KIAA1217: variants seen among roughly 807,000 people sequenced by gnomAD.
KIAA1217 encodes the protein sickle tail protein homolog.
KIAA1217 carries 88 observed loss-of-function variants against 163.9 expected under a neutral mutation model. That is an observed-to-expected ratio of 0.54 (90% CI 0.45 to 0.64). KIAA1217 has a LOEUF of 0.64. KIAA1217 is among the 30% of genes least tolerant of loss of function. KIAA1217 has a pLI of 0.00. For missense variants in KIAA1217, 2,372 were observed against 2,475.0 expected (o/e 0.96, Z 0.88); for synonymous variants, 903 against 923.1 (o/e 0.98, Z 0.39).
rs535039587 is a variant in KIAA1217, at chr10:23,804,319, G to A, written c.-321+109085G>A. Among the ~76,000 whole-genome samples the A allele has an allele frequency of 3.9e-5, 6 of 152,324 alleles. No homozygotes were observed. The South Asian group carries it at 6.2e-4, about 16-fold the overall frequency. On this transcript the variant is annotated intron_variant, in intron 1 of 18. Transcript: ENST00000376462. ...AAGCTGCCAAGCCGTGAGTACATCT[G>A]TCTTTCTGAGCCCTTTGTCACTTAG...
chr10:23,830,480 G>A (rs1329919780), intron 1 of KIAA1217, among the ~76,000 whole-genome samples: 1 of 152,028 alleles, frequency 6.6e-6, no homozygotes, highest in African/African-American at 2.4e-5. Flanking sequence ...AACAGTCTAG[G>A]GTTTTGCTTT....
intron 1 of KIAA1217, among the ~76,000 whole-genome samples, chr10:24,004,129 A>ATGAG (rs1452046427): frequency 2.6e-5 from 4 of 151,856 alleles, no homozygotes; most frequent in Non-Finnish European, 5.9e-5. Context: ...ACAGGCACAC[A>ATGAG]CCACCACGCC....
At chr10:23,730,650 G>A (rs34807032) in intron 1 of KIAA1217, among the ~76,000 whole-genome samples, 48,436 of 151,696 alleles carry the variant, frequency 0.32, 9,687 homozygotes, top group African/African-American at 0.57. Context: ...CCATTTTGTA[G>A]TGTCTTTATT....
chr10:23,981,529 G>T (rs1845765026), intron 1 of KIAA1217, among the ~76,000 whole-genome samples: 1 of 152,078 alleles, frequency 6.6e-6, no homozygotes, highest in Non-Finnish European at 1.5e-5. Flanking sequence ...CGCAAGTGAG[G>T]GTCATTTTCA....
At chr10:24,090,281 C>T (rs1233569154) in intron 2 of KIAA1217, among the ~76,000 whole-genome samples, 4 of 144,894 alleles carry the variant, frequency 2.8e-5, no homozygotes, top group African/African-American at 7.9e-5. Flanking sequence ...ATCCTTCCTC[C>T]TTAGCCTCCT....
chr10:23,951,179 A>G (rs1028984827), intron 1 of KIAA1217, among the ~76,000 whole-genome samples: 7 of 152,124 alleles, frequency 4.6e-5, no homozygotes, highest in Non-Finnish European at 8.8e-5. Context: ...TTCTTAGATG[A>G]GGCAAGAGCA....
intron 1 of KIAA1217, among the ~76,000 whole-genome samples, chr10:23,708,890 G>A (rs1298008961): frequency 1.3e-5 from 2 of 152,118 alleles, no homozygotes; most frequent in Non-Finnish European, 2.9e-5. Flanking sequence ...GTGGTGAGAA[G>A]TGGACAGACT....
At chr10:24,529,178 A>G (rs879428060) in intron 14 of KIAA1217, among the ~76,000 whole-genome samples, 3 of 152,154 alleles carry the variant, frequency 2.0e-5, no homozygotes, top group South Asian at 2.1e-4. Context: ...ACCACCGTAC[A>G]GTCATCCCTT....
intron 2 of KIAA1217, among the ~76,000 whole-genome samples, chr10:24,268,822 A>G (rs1173255427): frequency 2.3e-5 from 3 of 132,582 alleles, no homozygotes; most frequent in South Asian, 2.6e-4. Context: ...ATGTCCAACA[A>G]TGATAGACTG....
At chr10:24,012,815 C>T (rs978649090) in intron 2 of KIAA1217, among the ~76,000 whole-genome samples, 2 of 152,102 alleles carry the variant, frequency 1.3e-5, no homozygotes, top group Admixed American at 1.3e-4. Context: ...TTGGATTAAG[C>T]TATTACTGAT....
chr10:24,374,783 G>A (rs1713709715), intron 2 of KIAA1217, among the ~76,000 whole-genome samples: 1 of 152,018 alleles, frequency 6.6e-6, no homozygotes, highest in Admixed American at 6.6e-5. Flanking sequence ...TTTAAATTTT[G>A]TATTCTTCTG....
chr10:24,520,953 A>G (rs1255460467), intron 11 of KIAA1217, among the ~76,000 whole-genome samples: 2 of 150,068 alleles, frequency 1.3e-5, no homozygotes, highest in Non-Finnish European at 3.0e-5. Flanking sequence ...GCACTTTGGG[A>G]GGCCAAGGCA....
chr10:24,239,886 C>G (rs999898225), intron 2 of KIAA1217, among the ~76,000 whole-genome samples: 1 of 151,940 alleles, frequency 6.6e-6, no homozygotes. Flanking sequence ...CTTTTCTCAC[C>G]GAGGCATTTT....
intron 1 of KIAA1217, among the ~76,000 whole-genome samples, chr10:23,854,994 G>A (rs938556420): frequency 2.0e-5 from 3 of 152,058 alleles, no homozygotes; most frequent in Non-Finnish European, 2.9e-5. Context: ...TCTTTTAATT[G>A]GAGCATTTAG....
intron 2 of KIAA1217, among the ~76,000 whole-genome samples, chr10:24,128,714 A>G (rs902075294): frequency 6.6e-6 from 1 of 152,344 alleles, no homozygotes; most frequent in East Asian, 1.9e-4. Flanking sequence ...AATGGAGCAC[A>G]GTCTTCTACC....
intron 2 of KIAA1217, among the ~76,000 whole-genome samples, chr10:24,330,916 G>GA (rs1408526178): frequency 6.6e-6 from 1 of 151,834 alleles, no homozygotes; most frequent in Non-Finnish European, 1.5e-5. Flanking sequence ...GCCCAGCCAG[G>GA]ACATTTTATT....
rs113439142 is a variant in KIAA1217 at position 23,773,970 on chromosome 10, G to T, written c.-321+78736G>T. Among the ~76,000 whole-genome samples, 635 of 152,172 alleles carry T rather than the reference G, an allele frequency of 4.2e-3. 10 individuals carry two copies. Among genetic ancestry groups the T allele is most frequent in the African/African-American group, 0.015 (609 of 41,486 alleles). Reference sequence around the variant, plus strand: ...ATTTATTTCCTTCTCCTGCCTAATTGCCCTGGCCAGAACTTCCAACACTAT... The same window carrying T: ...ATTTATTTCCTTCTCCTGCCTAATTTCCCTGGCCAGAACTTCCAACACTAT... On this transcript the variant is annotated intron_variant, in intron 1 of 18. Coordinates refer to the KIAA1217 transcript ENST00000376462.
chr10:24,192,105 C>CTT (rs1325181599), intron 2 of KIAA1217, among the ~76,000 whole-genome samples: 5 of 152,134 alleles, frequency 3.3e-5, no homozygotes, highest in Admixed American at 6.5e-5. Flanking sequence ...ACACAAGAGC[C>CTT]TTTGGAAAGG....
chr10:23,929,926 T>C (rs189710760), intron 1 of KIAA1217, among the ~76,000 whole-genome samples: 3 of 152,302 alleles, frequency 2.0e-5, no homozygotes, highest in Admixed American at 6.5e-5. Flanking sequence ...CCACTGATAG[T>C]GTATAAGCAT....
Sources: gnomAD v4.1 joint callset for allele counts (sites outside exome capture counted in the v4.1 genomes callset) on GRCh38, gnomAD v4.1.1 for gene constraint, MANE v1.5 for transcripts, NCBI Gene and HGNC (gene_info 2026-07-23, HGNC 2026-07-21) for gene names.